SHC3: variants seen among roughly 807,000 people sequenced by gnomAD.
SHC3 encodes SHC-transforming protein 3.
Under a neutral mutation model 60.4 loss-of-function variants are expected in SHC3, and 15 were observed. That is an observed-to-expected ratio of 0.25 (90% CI 0.17 to 0.38). SHC3 has a LOEUF of 0.38. SHC3 is among the 10% of genes least tolerant of loss of function. The probability of loss-of-function intolerance (pLI) is 1.00; values close to 1 mark genes in which losing one functional copy is unlikely to be tolerated. For missense variants in SHC3, 677 were observed against 786.1 expected (o/e 0.86, Z 1.66); for synonymous variants, 294 against 325.9 (o/e 0.90, Z 1.05).
chr9:89,100,459 A>T (rs534574353), intron 2 of SHC3, among the ~76,000 whole-genome samples: 1 of 152,220 alleles, frequency 6.6e-6, no homozygotes, highest in African/African-American at 2.4e-5. Context: ...GGTTGGTCTC[A>T]AACTCCCGGC....
At chr9:89,120,450 T>C (rs752701355) in intron 1 of SHC3, among the ~76,000 whole-genome samples, 1 of 152,154 alleles carries the variant, frequency 6.6e-6, no homozygotes, top group Non-Finnish European at 1.5e-5. Flanking sequence ...TTGGCCAATA[T>C]ACATCTGTAA....
chr9:89,157,973 T>C (rs1375493622), intron 1 of SHC3, among the ~76,000 whole-genome samples: 1 of 151,948 alleles, frequency 6.6e-6, no homozygotes, highest in Non-Finnish European at 1.5e-5. Context: ...GATTGTGCGT[T>C]CATTGATTTT....
At chr9:89,131,607 C>T (rs6559343) in intron 1 of SHC3, among the ~76,000 whole-genome samples, 103,442 of 152,052 alleles carry the variant, frequency 0.68, 35,585 homozygotes, top group East Asian at 0.98. Context: ...GTACAACATA[C>T]GCAAATCAAT....
chr9:89,037,394 A>T, intron 11 of SHC3: 1 of 636,028 alleles, frequency 1.6e-6, no homozygotes, highest in Non-Finnish European at 2.8e-6. Flanking sequence ...AAACTTAGCA[A>T]TTCTTGGACT....
intron 6 of SHC3, among the ~76,000 whole-genome samples, chr9:89,060,299 G>A (rs527966877): frequency 2.0e-5 from 3 of 151,170 alleles, no homozygotes; most frequent in Non-Finnish European, 4.4e-5. Context: ...GGACAGTGGT[G>A]TAGTACGTGG....
At chr9:89,085,451 T>C (rs1380619538) in intron 2 of SHC3, among the ~76,000 whole-genome samples, 2 of 152,230 alleles carry the variant, frequency 1.3e-5, no homozygotes, top group Admixed American at 6.5e-5. Flanking sequence ...CAGTTCCCCA[T>C]GCCAGATCCC....
chr9:89,015,308 T>G (rs1452888950), intron 11 of SHC3, among the ~76,000 whole-genome samples: 1 of 152,220 alleles, frequency 6.6e-6, no homozygotes, highest in African/African-American at 2.4e-5. Context: ...CTGGGTGAAC[T>G]GGAATGGGTG....
intron 2 of SHC3, among the ~76,000 whole-genome samples, chr9:89,090,169 A>G (rs993532970): frequency 3.3e-5 from 5 of 152,172 alleles, no homozygotes; most frequent in African/African-American, 1.2e-4. Context: ...CCCACATATT[A>G]TATATAAAAT....
chr9:89,016,124 G>GA (rs1188779452), intron 11 of SHC3, among the ~76,000 whole-genome samples: 1 of 151,436 alleles, frequency 6.6e-6, no homozygotes. Flanking sequence ...GCCAGGCTAA[G>GA]AAAAAAAGAT....
intron 5 of SHC3, 104 bp from the exon 6 acceptor site, chr9:89,065,684 C>T (rs1036761677): frequency 1.6e-5 from 18 of 1,132,542 alleles, no homozygotes; most frequent in South Asian, 3.9e-5. Context: ...ACTCAACCAC[C>T]AAACAGCTAA....
chr9:89,120,358 G>A (rs1320806942), intron 1 of SHC3, among the ~76,000 whole-genome samples: 1 of 152,144 alleles, frequency 6.6e-6, no homozygotes, highest in Non-Finnish European at 1.5e-5. Context: ...AAGAGTTTCT[G>A]TGAGTCATTA....
intron 1 of SHC3, among the ~76,000 whole-genome samples, chr9:89,157,492 C>T (rs530151126): frequency 6.6e-6 from 1 of 152,344 alleles, no homozygotes; most frequent in East Asian, 1.9e-4. Flanking sequence ...GACTTCCGAC[C>T]TCCAGAATTG....
At chr9:89,159,735 A>G (rs1475045123) in intron 1 of SHC3, among the ~76,000 whole-genome samples, 1 of 152,256 alleles carries the variant, frequency 6.6e-6, no homozygotes, top group African/African-American at 2.4e-5. Context: ...CATCCAGCAC[A>G]GGAGAAAGAT....
At chr9:89,051,389 C>A (rs1289021849) in intron 7 of SHC3, among the ~76,000 whole-genome samples, 1 of 152,122 alleles carries the variant, frequency 6.6e-6, no homozygotes, top group Non-Finnish European at 1.5e-5. Flanking sequence ...AGAACCTGAA[C>A]ATTTTTTATA....
At position 89,028,610 on chromosome 9, in the gene SHC3, C is replaced by T. The variant is rs956451218; in HGVS notation, c.1656+9383G>A. Reference sequence around the variant, plus strand: ...ACACATGTTTATGTGTATATATATGCTATAGATATAGATTATCTCTCTATA... The same window carrying T: ...ACACATGTTTATGTGTATATATATGTTATAGATATAGATTATCTCTCTATA... On this transcript the variant is annotated intron_variant, in intron 11 of 11. Coordinates refer to ENST00000375835, the MANE Select transcript of SHC3 (RefSeq NM_016848.6). 2.1e-5 allele frequency among the ~76,000 whole-genome samples: 3 copies of T among 143,194 alleles called. No homozygotes were observed. The South Asian group carries it at 6.6e-4, about 32-fold the overall frequency. 93.9% of individuals were successfully genotyped at this position (143,194 alleles called of 152,430 possible). A position where few individuals can be genotyped will look rare whatever the true frequency, so the allele number is the denominator to read the frequency against.
At chr9:89,130,857 C>A (rs1826233987) in intron 1 of SHC3, among the ~76,000 whole-genome samples, 1 of 151,964 alleles carries the variant, frequency 6.6e-6, no homozygotes, top group Admixed American at 6.6e-5. Context: ...ACTAGAGAAG[C>A]AAGAGCAAAC....
chr9:89,094,226 T>C (rs543307277), intron 2 of SHC3, among the ~76,000 whole-genome samples: 2 of 152,324 alleles, frequency 1.3e-5, no homozygotes, highest in East Asian at 3.9e-4. Flanking sequence ...TAATTTGCTG[T>C]GTCACTAGGA....
Position 89,158,565 on chromosome 9 carries a change from T to A in SHC3, c.474+19422A>T, listed in dbSNP as rs181916042. 2.6e-5 allele frequency among the ~76,000 whole-genome samples: 4 copies of A among 152,344 alleles called. No homozygotes were observed. In the East Asian group the frequency reaches 7.7e-4, roughly 29 times the overall value. On this transcript the variant is annotated intron_variant, in intron 1 of 11. Coordinates refer to ENST00000375835, the MANE Select transcript of SHC3 (RefSeq NM_016848.6). Reference sequence around the variant, plus strand: ...GATTATTTTGTTCAGCTTTTGTCCATCCTTGCGATTTTCTGTCTAGTAGTT... The same window carrying A: ...GATTATTTTGTTCAGCTTTTGTCCAACCTTGCGATTTTCTGTCTAGTAGTT...
At chr9:89,168,999 C>T (rs1359200729) in intron 1 of SHC3, among the ~76,000 whole-genome samples, 1 of 152,180 alleles carries the variant, frequency 6.6e-6, no homozygotes, top group Non-Finnish European at 1.5e-5. Context: ...CTGGAACTGA[C>T]ACCATAAGCT....
Sources: allele counts gnomAD v4.1 joint callset (sites outside exome capture counted in the v4.1 genomes callset), GRCh38; gene constraint gnomAD v4.1.1; transcripts MANE v1.5; gene names NCBI Gene and HGNC (gene_info 2026-07-23, HGNC 2026-07-21).